The following VEPH1 variants were observed in gnomAD, a reference collection of about 807,000 sequenced individuals.
VEPH1 encodes the protein ventricular zone expressed PH domain containing 1, also known as ventricular zone-expressed PH domain-containing protein homolog 1.
In VEPH1, 80 loss-of-function variants were observed where a neutral mutation model predicts 85.2. The observed-to-expected ratio is 0.94, with a 90% CI of 0.78 to 1.13. The LOEUF (loss-of-function observed/expected upper bound fraction) is 1.13. Ranked by LOEUF, VEPH1 falls within the 50% of genes most tolerant of loss-of-function variation. The probability of loss-of-function intolerance (pLI) is 0.00; values close to 1 mark genes in which losing one functional copy is unlikely to be tolerated. For synonymous variants in VEPH1, 297 were observed against 348.0 expected (o/e 0.85, Z 1.63); for missense variants, 955 against 980.5 (o/e 0.97, Z 0.35).
intron 4 of VEPH1, among the ~76,000 whole-genome samples, chr3:157,447,887 G>A (rs1006354580): frequency 7.9e-5 from 12 of 152,038 alleles, no homozygotes; most frequent in African/African-American, 2.7e-4. Context: ...GAGCCACAGC[G>A]CCTAGCCTGC....
At chr3:157,350,152 T>TC (rs1724705269) in intron 9 of VEPH1, among the ~76,000 whole-genome samples, 2 of 152,180 alleles carry the variant, frequency 1.3e-5, no homozygotes, top group African/African-American at 4.8e-5. Context: ...AACAACATGG[T>TC]ACTGTCATAG....
In VEPH1 at chr3:157,372,977, T is replaced by G. The variant is rs188608100; in HGVS notation, c.1127+8179A>C. Among the ~76,000 whole-genome samples the G allele has an allele frequency of 6.3e-3, 960 of 152,324 alleles. 8 individuals carry two copies. Among genetic ancestry groups the G allele is most frequent in the Non-Finnish European group, 6.1e-3 (414 of 68,028 alleles). On this transcript the variant is annotated intron_variant, in intron 7 of 13. Coordinates refer to ENST00000362010, the MANE Select transcript of VEPH1 (RefSeq NM_001167912.2). ...GTGGATATGCCAACACCTATTATAA[T>G]GCACACCTGTAACAAAGTGCTAATG...
intron 2 of VEPH1, among the ~76,000 whole-genome samples, chr3:157,490,074 G>A (rs944398482): frequency 6.6e-6 from 1 of 151,512 alleles, no homozygotes; most frequent in South Asian, 2.1e-4. Context: ...ATAAATAAAG[G>A]GATAGAAATG....
At chr3:157,437,518 C>A in intron 4 of VEPH1, 1 of 1,605,124 alleles carries the variant, frequency 6.2e-7, no homozygotes, top group Non-Finnish European at 8.5e-7. Context: ...TCTAGCCACG[C>A]CGTGCGCCTG....
At chr3:157,269,494 A>G (rs1714213022) in intron 12 of VEPH1, among the ~76,000 whole-genome samples, 1 of 152,238 alleles carries the variant, frequency 6.6e-6, no homozygotes, top group Admixed American at 6.5e-5. Context: ...TTTAGGTGTT[A>G]GAGTCAGTTT....
intron 11 of VEPH1, among the ~76,000 whole-genome samples, chr3:157,298,052 C>G (rs1403755118): frequency 6.6e-6 from 1 of 151,880 alleles, no homozygotes; most frequent in Non-Finnish European, 1.5e-5. Context: ...GGCAGAACCA[C>G]AAAGATATCT....
chr3:157,368,567 C>T (rs565443267), intron 7 of VEPH1, among the ~76,000 whole-genome samples: 1 of 152,234 alleles, frequency 6.6e-6, no homozygotes, highest in African/African-American at 2.4e-5. Flanking sequence ...TCTTGGCTCA[C>T]TGCAAGCTCT....
chr3:157,403,848 C>A (rs559562708), intron 6 of VEPH1, among the ~76,000 whole-genome samples: 20 of 152,254 alleles, frequency 1.3e-4, no homozygotes, highest in Admixed American at 9.2e-4. Context: ...TGTCTAGACT[C>A]CCTCAGGTTC....
intron 2 of VEPH1, among the ~76,000 whole-genome samples, chr3:157,479,346 T>C (rs1289063032): frequency 6.6e-6 from 1 of 152,136 alleles, no homozygotes; most frequent in African/African-American, 2.4e-5. Context: ...GGGTGTCAAA[T>C]GGGAGAAGTA....
At chr3:157,291,232 CATA>C (rs886883143) in intron 11 of VEPH1, among the ~76,000 whole-genome samples, 1 of 152,140 alleles carries the variant, frequency 6.6e-6, no homozygotes, top group African/African-American at 2.4e-5. Context: ...AATATTTTCA[CATA>C]ATAATAAGTT....
chr3:157,417,151 C>G (rs1224520458), intron 5 of VEPH1, among the ~76,000 whole-genome samples: 2 of 151,918 alleles, frequency 1.3e-5, no homozygotes, highest in Non-Finnish European at 1.5e-5. Context: ...TGAAATTTAT[C>G]CACACATGAG....
chr3:157,354,840 A>G (rs904831694), intron 9 of VEPH1, among the ~76,000 whole-genome samples: 2 of 152,202 alleles, frequency 1.3e-5, no homozygotes, highest in East Asian at 3.8e-4. Flanking sequence ...CCTGTAGAAT[A>G]GCATTTGCTT....
At position 157,420,677 on chromosome 3, in the gene VEPH1, C is replaced by T. The variant is rs532666454; in HGVS notation, c.697-6587G>A. On this transcript the variant is annotated intron_variant, in intron 5 of 13. Coordinates refer to ENST00000362010, the MANE Select transcript of VEPH1 (RefSeq NM_001167912.2). ...AAAAGTGACCTCTGAGTATTCTTGG[C>T]CTCGATTAGGTGTGTGAATAGGAAT... is the stretch of plus-strand genomic sequence containing the variant. Among the ~76,000 whole-genome samples, 7 of 152,210 alleles carry T rather than the reference C, an allele frequency of 4.6e-5. No homozygotes were observed. The South Asian group carries it at 1.5e-3, about 32-fold the overall frequency.
At chr3:157,456,250 T>A (rs1342344079) in intron 4 of VEPH1, among the ~76,000 whole-genome samples, 1 of 152,150 alleles carries the variant, frequency 6.6e-6, no homozygotes, top group Non-Finnish European at 1.5e-5. Context: ...CTTATAGATG[T>A]TGGATATTAG....
At chr3:157,366,862 C>A (rs887698522) in intron 7 of VEPH1, among the ~76,000 whole-genome samples, 3 of 152,152 alleles carry the variant, frequency 2.0e-5, no homozygotes, top group Admixed American at 2.0e-4. Context: ...ATTCTGGCAC[C>A]TATATCTGCG....
At chr3:157,348,353 A>G (rs953697470) in intron 9 of VEPH1, among the ~76,000 whole-genome samples, 1 of 152,080 alleles carries the variant, frequency 6.6e-6, no homozygotes, top group African/African-American at 2.4e-5. Flanking sequence ...TGGTTATACT[A>G]GTTTATATTC....
intron 12 of VEPH1, among the ~76,000 whole-genome samples, chr3:157,272,374 CTTTT>C (rs1466638303): frequency 0.013 from 1,185 of 89,058 alleles, 37 homozygotes; most frequent in African/African-American, 0.044. Context: ...CTTTCTCTTT[CTTTT>C]CTTTCTTTCT....
At chr3:157,394,853 C>T (rs940679397) in intron 6 of VEPH1, among the ~76,000 whole-genome samples, 2 of 152,244 alleles carry the variant, frequency 1.3e-5, no homozygotes, top group Admixed American at 1.3e-4. Context: ...GTCCCTTCTA[C>T]TTTCACCCAT....
chr3:157,346,250 A>G (rs1045492796), intron 9 of VEPH1, among the ~76,000 whole-genome samples: 2 of 152,178 alleles, frequency 1.3e-5, no homozygotes, highest in Admixed American at 1.3e-4. Flanking sequence ...GCATTTCTTG[A>G]TAAGATTTCT....
Sources: allele counts gnomAD v4.1 joint callset (sites outside exome capture counted in the v4.1 genomes callset), GRCh38; gene constraint gnomAD v4.1.1; transcripts MANE v1.5; gene names NCBI Gene and HGNC (gene_info 2026-07-23, HGNC 2026-07-21).